PPP3CA: variants seen among roughly 807,000 people sequenced by gnomAD.
PPP3CA encodes protein phosphatase 3 catalytic subunit alpha, also known as CAM-PRP catalytic subunit.
A neutral mutation model predicts 66.5 loss-of-function variants in PPP3CA; 14 were observed. The ratio of observed to expected loss-of-function variants is 0.21; its 90% CI spans 0.14 to 0.33. PPP3CA has a LOEUF of 0.33. PPP3CA is among the 10% of genes least tolerant of loss of function. The pLI, the probability that PPP3CA is intolerant of heterozygous loss-of-function variation, is 1.00. For missense variants in PPP3CA, 317 were observed against 639.5 expected (o/e 0.50, Z 5.44); for synonymous variants, 232 against 226.2 (o/e 1.03, Z -0.23).
intron 11 of PPP3CA, among the ~76,000 whole-genome samples, chr4:101,033,292 AAACACACAC>A (rs1727087885): frequency 5.7e-5 from 5 of 88,180 alleles, no homozygotes; most frequent in South Asian, 3.5e-4. Context: ...ACACACACAC[AAACACACAC>A]ACACACACAC....
chr4:101,033,375 G>A (rs1727098597), intron 11 of PPP3CA, among the ~76,000 whole-genome samples: 2 of 151,182 alleles, frequency 1.3e-5, no homozygotes, highest in African/African-American at 2.4e-5. Flanking sequence ...AAATTTTTAC[G>A]AAGGTGTCTC....
At chr4:101,123,070 C>A (rs929249149) in intron 2 of PPP3CA, among the ~76,000 whole-genome samples, 1 of 152,184 alleles carries the variant, frequency 6.6e-6, no homozygotes, top group Non-Finnish European at 1.5e-5. Context: ...ATGCTTACCA[C>A]ATTCTTTTAA....
intron 1 of PPP3CA, among the ~76,000 whole-genome samples, chr4:101,212,164 G>T (rs1295819039): frequency 6.6e-6 from 1 of 152,042 alleles, no homozygotes; most frequent in African/African-American, 2.4e-5. Context: ...GCATTTTGGG[G>T]TATACTTGAA....
intron 1 of PPP3CA, among the ~76,000 whole-genome samples, chr4:101,321,302 G>A (rs1456515889): frequency 6.6e-6 from 1 of 152,086 alleles, no homozygotes; most frequent in Non-Finnish European, 1.5e-5. Flanking sequence ...AAGTCCTCTG[G>A]TATAGCCGAC....
chr4:101,047,259 A>G (rs1004986936), intron 10 of PPP3CA, among the ~76,000 whole-genome samples: 2 of 152,170 alleles, frequency 1.3e-5, no homozygotes. Flanking sequence ...TAAAAAAAGC[A>G]CCATAAGCAA....
chr4:101,194,904 C>T (rs1724737001), intron 2 of PPP3CA, among the ~76,000 whole-genome samples: 1 of 151,712 alleles, frequency 6.6e-6, no homozygotes, highest in Admixed American at 6.6e-5. Flanking sequence ...TTTTTATGGC[C>T]TAAGAGAAGC....
chr4:101,337,554 C>T (rs1056699791), intron 1 of PPP3CA, among the ~76,000 whole-genome samples: 2 of 152,200 alleles, frequency 1.3e-5, no homozygotes, highest in African/African-American at 4.8e-5. Flanking sequence ...TGCAAATCAA[C>T]AGAAGCTAAC....
At chr4:101,317,547 G>A (rs529657283) in intron 1 of PPP3CA, among the ~76,000 whole-genome samples, 12 of 152,084 alleles carry the variant, frequency 7.9e-5, no homozygotes, top group Non-Finnish European at 1.6e-4. Context: ...CAAAGATCAT[G>A]ATTAAGAGGC....
intron 1 of PPP3CA, among the ~76,000 whole-genome samples, chr4:101,217,384 T>C (rs1725490639): frequency 6.6e-6 from 1 of 152,152 alleles, no homozygotes; most frequent in African/African-American, 2.4e-5. Context: ...TCTTCTAAAC[T>C]ACCTAATCTA....
chr4:101,271,843 C>G (rs548724357), intron 1 of PPP3CA, among the ~76,000 whole-genome samples: 2 of 152,228 alleles, frequency 1.3e-5, no homozygotes, highest in East Asian at 3.9e-4. Context: ...ACAGAATTAA[C>G]GACACACAAA....
intron 2 of PPP3CA, among the ~76,000 whole-genome samples, chr4:101,145,452 A>G (rs1457620666): frequency 1.3e-5 from 2 of 152,364 alleles, no homozygotes; most frequent in South Asian, 2.1e-4. Context: ...GCCATAAAAA[A>G]GAATGAGATC....
intron 6 of PPP3CA, among the ~76,000 whole-genome samples, chr4:101,092,521 C>T (rs180710283): frequency 1.2e-4 from 18 of 151,062 alleles, no homozygotes; most frequent in African/African-American, 2.7e-4. Context: ...TGTGCCCTGG[C>T]GGTTTGTTGC....
chr4:101,106,504 GAAAGAAAGAA>G (rs1730760873), intron 3 of PPP3CA, among the ~76,000 whole-genome samples: 1 of 138,672 alleles, frequency 7.2e-6, no homozygotes, highest in Non-Finnish European at 1.6e-5. Context: ...AGAAAAGAAA[GAAAGAAAGAA>G]AAAGAAAGAA....
intron 6 of PPP3CA, among the ~76,000 whole-genome samples, chr4:101,092,505 T>C (rs1447386696): frequency 6.6e-6 from 1 of 151,944 alleles, no homozygotes; most frequent in Non-Finnish European, 1.5e-5. Context: ...GTTACATAGG[T>C]ATACATGTGC....
intron 2 of PPP3CA, among the ~76,000 whole-genome samples, chr4:101,182,038 A>G (rs1724252037): frequency 6.6e-6 from 1 of 152,188 alleles, no homozygotes; most frequent in African/African-American, 2.4e-5. Flanking sequence ...CTAGGACAAT[A>G]AAACCAGGAA....
At chr4:101,313,747 T>C (rs1347164026) in intron 1 of PPP3CA, among the ~76,000 whole-genome samples, 1 of 152,236 alleles carries the variant, frequency 6.6e-6, no homozygotes, top group African/African-American at 2.4e-5. Context: ...AGGCATGATT[T>C]ATTATAAGCA....
intron 1 of PPP3CA, among the ~76,000 whole-genome samples, chr4:101,253,976 T>C (rs1227975744): frequency 6.6e-6 from 1 of 152,036 alleles, no homozygotes; most frequent in Non-Finnish European, 1.5e-5. Flanking sequence ...CCCTCCCACC[T>C]CCATTCATAA....
intron 12 of PPP3CA, among the ~76,000 whole-genome samples, chr4:101,031,052 T>A (rs1278831445): frequency 6.9e-6 from 1 of 144,842 alleles, no homozygotes; most frequent in Admixed American, 6.9e-5. Context: ...TACCTTCATT[T>A]AAAAATTTTT....
At chr4:101,111,885 G>T (rs756225491) in intron 2 of PPP3CA, among the ~76,000 whole-genome samples, 1 of 152,138 alleles carries the variant, frequency 6.6e-6, no homozygotes, top group Admixed American at 6.6e-5. Flanking sequence ...TATTTAAAAT[G>T]TCAAGGTCCC....
Sources: allele counts gnomAD v4.1 joint callset (sites outside exome capture counted in the v4.1 genomes callset), GRCh38; gene constraint gnomAD v4.1.1; transcripts MANE v1.5; gene names NCBI Gene and HGNC (gene_info 2026-07-23, HGNC 2026-07-21).